Variants in HYDIN observed in about 807,000 individuals in gnomAD.
HYDIN encodes the protein HYDIN axonemal central pair apparatus protein.
HYDIN carries 132 observed loss-of-function variants against 403.9 expected under a neutral mutation model. The observed-to-expected ratio is 0.33, with a 90% CI of 0.28 to 0.38. The LOEUF (loss-of-function observed/expected upper bound fraction) is 0.38, where lower values mean the gene tolerates loss of function less well. HYDIN is among the 10% of genes least tolerant of loss of function. HYDIN has a pLI of 1.00. For missense variants in HYDIN, 2,827 were observed against 5,009.5 expected (o/e 0.56, Z 13.15); for synonymous variants, 1,202 against 1,891.7 (o/e 0.64, Z 9.46).
chr16:70,808,920 C>T (rs1279788241), intron 85 of HYDIN, among the ~76,000 whole-genome samples: 1 of 152,186 alleles, frequency 6.6e-6, no homozygotes, highest in Non-Finnish European at 1.5e-5. Context: ...TGGACCAAAA[C>T]AGCTCCCTTC....
At chr16:71,016,956 C>T (rs2080279731) in intron 23 of HYDIN, among the ~76,000 whole-genome samples, 3 of 150,920 alleles carry the variant, frequency 2.0e-5, no homozygotes, top group Admixed American at 6.6e-5. Flanking sequence ...AGGGAGGGAC[C>T]TGATGAGAGG....
At chr16:70,890,086 C>T (rs1369157762) in intron 57 of HYDIN, among the ~76,000 whole-genome samples, 1 of 152,188 alleles carries the variant, frequency 6.6e-6, no homozygotes, top group African/African-American at 2.4e-5. Context: ...AAGCTCTTTT[C>T]TGTATCTTCA....
At chr16:70,974,756 T>C in intron 31 of HYDIN, 86 bp from the exon 32 acceptor site, 1 of 641,610 alleles carries the variant, frequency 1.6e-6, no homozygotes, top group Admixed American at 2.9e-5. Flanking sequence ...TTTTTTTTTC[T>C]ACCTCCTGTG....
chr16:70,843,714 GAC>G (rs1300803180), intron 75 of HYDIN, among the ~76,000 whole-genome samples: 2 of 54,600 alleles, frequency 3.7e-5, no homozygotes, highest in Non-Finnish European at 6.1e-5. Context: ...GTTGTTTCCT[GAC>G]TTTTTAATGA....
At chr16:71,173,163 A>C (rs969979374) in intron 5 of HYDIN, among the ~76,000 whole-genome samples, 1 of 152,244 alleles carries the variant, frequency 6.6e-6, no homozygotes, top group African/African-American at 2.4e-5. Flanking sequence ...ACAAGATCTT[A>C]ATGTCTCCAA....
At chr16:70,947,587 A>G (rs2077915150) in intron 41 of HYDIN, among the ~76,000 whole-genome samples, 1 of 150,652 alleles carries the variant, frequency 6.6e-6, no homozygotes, top group Non-Finnish European at 1.5e-5. Flanking sequence ...CTCTTTTTCT[A>G]TTGATTGGAA....
chr16:70,802,132 A>C lies in HYDIN; in HGVS notation c.*5448T>G, dbSNP rs1056171508. ...AATGAAAAGTGCATATATAGGCCTTATAACAGTCTTGAAAATGGAGTATTT... is the reference window on the plus strand; with the variant it reads ...AATGAAAAGTGCATATATAGGCCTTCTAACAGTCTTGAAAATGGAGTATTT... On this transcript the variant is annotated 3_prime_UTR_variant, in exon 86 of 86. Coordinates refer to ENST00000393567, the MANE Select transcript of HYDIN (RefSeq NM_001270974.2). 11 of 152,230 alleles carry C rather than the reference A, an allele frequency of 7.2e-5. No homozygotes were observed. Among genetic ancestry groups the C allele is most frequent in the Admixed American group, 5.2e-4 (8 of 15,290 alleles). 9.4% of individuals were successfully genotyped at this position (152,230 alleles called of 1,614,324 possible).
intron 13 of HYDIN, among the ~76,000 whole-genome samples, chr16:71,077,982 A>G (rs1229491073): frequency 2.0e-5 from 3 of 150,788 alleles, no homozygotes; most frequent in Non-Finnish European, 4.4e-5. Context: ...AATTACATGA[A>G]TGGATTTCCT....
rs147450036 is a variant in HYDIN at position 70,967,135 on chromosome 16, A to G, written c.5620-2239T>C. Reference sequence around the variant, plus strand: ...CAAAGAGCACGGCACTAAGGTTATTAGACAAAGGTGTAGCTCAAGGTAGGG... The same window carrying G: ...CAAAGAGCACGGCACTAAGGTTATTGGACAAAGGTGTAGCTCAAGGTAGGG... On this transcript the variant is annotated intron_variant, in intron 36 of 85. Transcript: ENST00000393567. 2.9e-3 allele frequency among the ~76,000 whole-genome samples: 447 copies of G among 152,292 alleles called. 3 individuals are homozygous for G. The highest frequency in any genetic ancestry group is 0.01 in the African/African-American group (419 of 41,552).
chr16:70,983,994 A>G (rs1165340719), intron 28 of HYDIN, among the ~76,000 whole-genome samples: 3 of 152,168 alleles, frequency 2.0e-5, no homozygotes, highest in Admixed American at 6.5e-5. Context: ...ATAGTCTTAC[A>G]TTTTTTCATT....
chr16:71,070,168 C>G, intron 13 of HYDIN, among the ~76,000 whole-genome samples: 1 of 152,186 alleles, frequency 6.6e-6, no homozygotes, highest in Non-Finnish European at 1.5e-5. Flanking sequence ...CAGCTTTGTT[C>G]CGTGAGACTC....
chr16:70,868,901 A>G (rs2039941002), intron 65 of HYDIN, 113 bp from the exon 66 acceptor site: 2 of 949,038 alleles, frequency 2.1e-6, no homozygotes, highest in Non-Finnish European at 3.1e-6. Context: ...CAAAAAATGC[A>G]TGTTAAGCCT....
At chr16:71,151,235 G>A in intron 7 of HYDIN, among the ~76,000 whole-genome samples, 1 of 152,122 alleles carries the variant, frequency 6.6e-6, no homozygotes. Context: ...GCCAACGAGT[G>A]TGGCTAAAAC....
Position 71,186,996 on chromosome 16 carries a change from T to G in HYDIN, c.-23-78A>C, listed in dbSNP as rs904831476. On this transcript the variant is annotated intron_variant, in intron 1 of 85. Transcript: ENST00000393567. ...AGGTCATAATTTTTTTTAAGCTTTTTCAAATACAGGAAGGTTTAGAAAATA... is the reference window on the plus strand; with the variant it reads ...AGGTCATAATTTTTTTTAAGCTTTTGCAAATACAGGAAGGTTTAGAAAATA... 43 of 905,776 alleles carry G rather than the reference T, an allele frequency of 4.7e-5. 1 individual carries two copies. The highest frequency in any genetic ancestry group is 7.1e-5 in the Non-Finnish European group (42 of 592,246). 56.1% of individuals were successfully genotyped at this position (905,776 alleles called of 1,614,324 possible).
chr16:71,047,509 T>C (rs1044518465), intron 18 of HYDIN, among the ~76,000 whole-genome samples: 2 of 152,128 alleles, frequency 1.3e-5, no homozygotes, highest in Non-Finnish European at 2.9e-5. Flanking sequence ...AGTCTCTTAA[T>C]ACTATTATTA....
chr16:70,925,776 C>A (rs1156466091), intron 45 of HYDIN, among the ~76,000 whole-genome samples: 1 of 152,000 alleles, frequency 6.6e-6, no homozygotes, highest in African/African-American at 2.4e-5. Flanking sequence ...AAAAAACAAA[C>A]AACCCCATCA....
At chr16:71,042,170 T>C (rs2081304700) in intron 18 of HYDIN, among the ~76,000 whole-genome samples, 1 of 151,844 alleles carries the variant, frequency 6.6e-6, no homozygotes, top group Non-Finnish European at 1.5e-5. Flanking sequence ...TTTTAAAGTT[T>C]GTATCAAAGG....
At chr16:71,031,367 G>A in intron 19 of HYDIN, 5 of 1,083,958 alleles carry the variant, frequency 4.6e-6, no homozygotes, top group Non-Finnish European at 5.8e-6. Flanking sequence ...TGGAATCAAA[G>A]AGGAGAAATT....
intron 21 of HYDIN, among the ~76,000 whole-genome samples, chr16:71,021,080 C>G (rs1406946005): frequency 2.0e-5 from 3 of 150,380 alleles, no homozygotes; most frequent in African/African-American, 7.3e-5. Context: ...TTTTTCCAGG[C>G]TTAAAATACC....
Sources: allele counts gnomAD v4.1 joint callset (sites outside exome capture counted in the v4.1 genomes callset), GRCh38; gene constraint gnomAD v4.1.1; transcripts MANE v1.5; gene names NCBI Gene and HGNC (gene_info 2026-07-23, HGNC 2026-07-21).